ENPP6: variants seen among roughly 807,000 people sequenced by gnomAD.
ENPP6 encodes the protein ectonucleotide pyrophosphatase/phosphodiesterase 6, also known as glycerophosphocholine cholinephosphodiesterase ENPP6.
In ENPP6, 32 loss-of-function variants were observed where a neutral mutation model predicts 42.0. That is an observed-to-expected ratio of 0.76 (90% CI 0.58 to 1.02). ENPP6 has a LOEUF of 1.02. Among genes scored for constraint, ENPP6 ranks in the 50% least tolerant of loss-of-function variants. ENPP6 has a pLI of 0.00. For missense variants in ENPP6, 552 were observed against 566.8 expected (o/e 0.97, Z 0.27); for synonymous variants, 213 against 216.0 (o/e 0.99, Z 0.12).
chr4:184,203,052 T>C (rs867975517), intron 1 of ENPP6, among the ~76,000 whole-genome samples: 1 of 151,454 alleles, frequency 6.6e-6, no homozygotes, highest in African/African-American at 2.4e-5. Context: ...GAGACCAGCT[T>C]GGCCAACATG....
chr4:184,098,671 ACC>A (rs1735950811), intron 6 of ENPP6, among the ~76,000 whole-genome samples: 1 of 151,992 alleles, frequency 6.6e-6, no homozygotes, highest in African/African-American at 2.4e-5. Flanking sequence ...TTTCTTTGGA[ACC>A]CAATTTTCTT....
At chr4:184,112,443 G>A (rs770736456) in intron 6 of ENPP6, 10 of 496,618 alleles carry the variant, frequency 2.0e-5, no homozygotes, top group Middle Eastern at 5.3e-4. Context: ...AAAACACAGC[G>A]AGTCTGGAGC....
At chr4:184,124,296 T>C (rs1351354957) in intron 2 of ENPP6, 24 bp from the exon 3 acceptor site, 2 of 1,561,366 alleles carry the variant, frequency 1.3e-6, no homozygotes, top group Non-Finnish European at 1.8e-6. Context: ...AGATGGCAAA[T>C]AGTTACTCTC....
intron 6 of ENPP6, among the ~76,000 whole-genome samples, chr4:184,101,241 ATG>A (rs1735996207): frequency 6.6e-6 from 1 of 151,050 alleles, no homozygotes; most frequent in East Asian, 1.9e-4. Flanking sequence ...GCGTGTGTAT[ATG>A]TGAGTGTGTG....
chr4:184,195,237 T>C (rs565892493), intron 1 of ENPP6, among the ~76,000 whole-genome samples: 3 of 152,198 alleles, frequency 2.0e-5, no homozygotes, highest in African/African-American at 7.2e-5. Context: ...TGGTATTAAG[T>C]CTAGTACCCA....
Position 184,091,098 on chromosome 4 carries a change from C to T in ENPP6, c.*79G>A, listed in dbSNP as rs1020721264. 33 of 1,334,872 alleles carry T rather than the reference C, an allele frequency of 2.5e-5. No homozygotes were observed. Among genetic ancestry groups the T allele is most frequent in the Non-Finnish European group, 3.1e-5 (31 of 987,712 alleles). 82.7% of individuals were successfully genotyped at this position (1,334,872 alleles called of 1,614,324 possible). On this transcript the variant is annotated 3_prime_UTR_variant, in exon 8 of 8. Transcript: ENST00000296741. ...ATTGTGTTAATGAAGCTATTATTCA[C>T]ACATAAAATGAAAATCATCTGGCTT...
chr4:184,100,378 C>T (rs1408617626), intron 6 of ENPP6, among the ~76,000 whole-genome samples: 1 of 152,212 alleles, frequency 6.6e-6, no homozygotes, highest in Non-Finnish European at 1.5e-5. Context: ...CACCTCTCCA[C>T]CTCCACAGTG....
chr4:184,192,569 C>T (rs1414975500), intron 1 of ENPP6, among the ~76,000 whole-genome samples: 4 of 152,064 alleles, frequency 2.6e-5, no homozygotes, highest in African/African-American at 4.8e-5. Flanking sequence ...ACAAAAAGTA[C>T]AAGTCGTAAA....
chr4:184,183,609 C>T (rs1353772587), intron 1 of ENPP6, among the ~76,000 whole-genome samples: 1 of 152,178 alleles, frequency 6.6e-6, no homozygotes, highest in Non-Finnish European at 1.5e-5. Flanking sequence ...CTTGGAAAAG[C>T]AAATGAATAT....
At chr4:184,127,001 A>T (rs923872308) in intron 2 of ENPP6, among the ~76,000 whole-genome samples, 30 of 152,204 alleles carry the variant, frequency 2.0e-4, no homozygotes, top group African/African-American at 7.2e-4. Flanking sequence ...TAATTAAGAG[A>T]AAAAATAATC....
intron 6 of ENPP6, among the ~76,000 whole-genome samples, chr4:184,104,777 A>G (rs768870522): frequency 1.5e-4 from 23 of 152,228 alleles, no homozygotes; most frequent in Non-Finnish European, 2.5e-4. Flanking sequence ...TTAATAATTC[A>G]TACCACCCAC....
intron 2 of ENPP6, among the ~76,000 whole-genome samples, chr4:184,124,611 A>G (rs376525113): frequency 7.2e-5 from 11 of 152,346 alleles, no homozygotes; most frequent in African/African-American, 2.6e-4. Context: ...TAGATTTTTC[A>G]TGAATCTAAG....
intron 6 of ENPP6, among the ~76,000 whole-genome samples, chr4:184,108,025 C>T (rs1170603726): frequency 6.6e-6 from 1 of 152,156 alleles, no homozygotes; most frequent in Non-Finnish European, 1.5e-5. Flanking sequence ...GTTAGTGCAG[C>T]CGCCTTAGAG....
At position 184,112,583 on chromosome 4, in the gene ENPP6, T is replaced by C. The variant is rs1218116121; in HGVS notation, c.993+89A>G. The C allele has an allele frequency of 1.7e-5, 25 of 1,460,882 alleles. No individual in the cohort carries two copies. In the East Asian group the frequency reaches 3.5e-4, roughly 21 times the overall value. The allele number at this position is 1,460,882 out of a possible 1,614,324, so 90.5% of individuals were successfully genotyped here. A position where few individuals can be genotyped will look rare whatever the true frequency, so the allele number is the denominator to read the frequency against. ...GATGCCTAAGTGAAAAAATCTTTTA[T>C]GTATAAAAACTTGAGTAACTATTAT... is the stretch of plus-strand genomic sequence containing the variant. On this transcript the variant is annotated intron_variant, in intron 6 of 7. Coordinates refer to ENST00000296741, the MANE Select transcript of ENPP6 (RefSeq NM_153343.4).
chr4:184,111,583 C>T (rs1367122344), intron 6 of ENPP6, among the ~76,000 whole-genome samples: 6 of 152,232 alleles, frequency 3.9e-5, no homozygotes, highest in Non-Finnish European at 8.8e-5. Flanking sequence ...TTGTAAACCA[C>T]GTGGCAGAGA....
At chr4:184,122,918 C>A (rs1736443059) in intron 3 of ENPP6, among the ~76,000 whole-genome samples, 1 of 152,224 alleles carries the variant, frequency 6.6e-6, no homozygotes, top group South Asian at 2.1e-4. Context: ...CTGTGCTATT[C>A]TGCTTCACTC....
chr4:184,151,807 C>T (rs1023761090), intron 2 of ENPP6, among the ~76,000 whole-genome samples: 1 of 152,194 alleles, frequency 6.6e-6, no homozygotes, highest in African/African-American at 2.4e-5. Context: ...CTAGAAGAGT[C>T]AAACTCACCC....
intron 7 of ENPP6, among the ~76,000 whole-genome samples, chr4:184,096,980 A>C (rs1735921424): frequency 2.0e-5 from 3 of 152,252 alleles, no homozygotes. Context: ...AATGAATCAC[A>C]AACATGTGGA....
chr4:184,204,918 A>G (rs1458989979), intron 1 of ENPP6, among the ~76,000 whole-genome samples: 2 of 152,098 alleles, frequency 1.3e-5, no homozygotes, highest in African/African-American at 4.8e-5. Flanking sequence ...CATCATTATA[A>G]TGCTTTTTCG....
Sources: allele counts gnomAD v4.1 joint callset (sites outside exome capture counted in the v4.1 genomes callset), GRCh38; gene constraint gnomAD v4.1.1; transcripts MANE v1.5; gene names NCBI Gene and HGNC (gene_info 2026-07-23, HGNC 2026-07-21).